PPP6R2: variants seen among roughly 807,000 people sequenced by gnomAD.
The protein encoded by PPP6R2 is serine/threonine-protein phosphatase 6 regulatory subunit 2.
PPP6R2 carries 62 observed loss-of-function variants against 100.2 expected under a neutral mutation model. The observed-to-expected ratio is 0.62, with a 90% confidence interval of 0.50 to 0.76. The LOEUF is 0.76. Ranked by LOEUF, PPP6R2 falls within the 30% of genes least tolerant of loss-of-function variation. The pLI is 0.00. For synonymous variants in PPP6R2, 525 were observed against 514.7 expected (o/e 1.02, Z -0.27); for missense variants, 1,142 against 1,276.3 (o/e 0.89, Z 1.60).
chr22:50,390,770 G>A (rs1463079130), intron 2 of PPP6R2, among the ~76,000 whole-genome samples: 1 of 152,162 alleles, frequency 6.6e-6, no homozygotes, highest in African/African-American at 2.4e-5. Flanking sequence ...GGAGGCCGAG[G>A]CGGACAGATC....
intron 2 of PPP6R2, among the ~76,000 whole-genome samples, chr22:50,385,336 C>G (rs1250194691): frequency 6.7e-6 from 1 of 148,502 alleles, no homozygotes. Context: ...GCTGGGATTA[C>G]AGACACGCAC....
rs148143473 is a variant in PPP6R2, at chr22:50,402,283, G to A, written c.228-4406G>A. ...TCCCCTGTGGGGAATGGACCTGTCA[G>A]TATCAGGAGCTGAGTTGGGAAGAGG... On this transcript the variant is annotated intron_variant, in intron 3 of 23. Coordinates refer to ENST00000612753, the MANE Select transcript of PPP6R2 (RefSeq NM_001242898.2). Among the ~76,000 whole-genome samples, 9 of 150,960 alleles carry A rather than the reference G, an allele frequency of 6.0e-5. No individual in the cohort carries two copies. In the South Asian group the frequency reaches 1.9e-3, roughly 32 times the overall value.
At chr22:50,335,275 G>A in the PPP6R2 span, among the ~76,000 whole-genome samples, 5 of 150,144 alleles carry the variant, frequency 3.3e-5, no homozygotes, top group Non-Finnish European at 7.4e-5. Context: ...GTGTTAGCCA[G>A]GGTGGTTTTG....
At chr22:50,353,284 CAT>C (rs779197661) in intron 1 of PPP6R2, among the ~76,000 whole-genome samples, 3 of 152,154 alleles carry the variant, frequency 2.0e-5, no homozygotes, top group Non-Finnish European at 4.4e-5. Flanking sequence ...AAATGAGAGA[CAT>C]GTGACTCTTC....
At chr22:50,336,431 C>T in the PPP6R2 span, among the ~76,000 whole-genome samples, 16 of 151,684 alleles carry the variant, frequency 1.1e-4, no homozygotes, top group Non-Finnish European at 1.8e-4. Context: ...GGCTGGAGTG[C>T]GAAGGCGCGA....
chr22:50,339,144 TGG>T (rs1491313797), upstream of PPP6R2, among the ~76,000 whole-genome samples: 2 of 143,762 alleles, frequency 1.4e-5, no homozygotes, highest in Admixed American at 1.4e-4. Flanking sequence ...GTGTGGTTTG[TGG>T]TGTGTGTGTG....
At chr22:50,442,847 T>C (rs898226759) in intron 22 of PPP6R2, among the ~76,000 whole-genome samples, 4 of 147,178 alleles carry the variant, frequency 2.7e-5, no homozygotes, top group Non-Finnish European at 6.0e-5. Context: ...CCACCGCGCC[T>C]GGCCTAGTCA....
At chr22:50,349,257 G>A (rs1426848435) in intron 1 of PPP6R2, among the ~76,000 whole-genome samples, 4 of 149,548 alleles carry the variant, frequency 2.7e-5, no homozygotes, top group African/African-American at 9.9e-5. Flanking sequence ...CCAGCTGCTC[G>A]GACACTGAGG....
chr22:50,413,742 A>G (rs2060093127), intron 4 of PPP6R2, among the ~76,000 whole-genome samples: 1 of 140,162 alleles, frequency 7.1e-6, no homozygotes, highest in Non-Finnish European at 1.5e-5. Context: ...TCATTGCAGC[A>G]CTGGGGAGTG....
the PPP6R2 span, among the ~76,000 whole-genome samples, chr22:50,331,915 C>T: frequency 3.3e-5 from 5 of 151,846 alleles, no homozygotes; most frequent in African/African-American, 4.8e-5. Flanking sequence ...CCATTGCATC[C>T]GGCCCTATTT....
chr22:50,439,586 A>G, intron 19 of PPP6R2, 115 bp from the exon 20 acceptor site: 1 of 1,186,390 alleles, frequency 8.4e-7, no homozygotes, highest in Non-Finnish European at 1.1e-6. Flanking sequence ...CTCCTGGAGC[A>G]GCCCCATCTT....
At chr22:50,432,390 C>T in intron 12 of PPP6R2, 61 bp downstream of exon 12, 2 of 1,439,244 alleles carry the variant, frequency 1.4e-6, no homozygotes, top group Non-Finnish European at 1.9e-6. Flanking sequence ...AGAGACGCAC[C>T]TCACCCAAGC....
At chr22:50,350,910 C>G (rs2044963278) in intron 1 of PPP6R2, among the ~76,000 whole-genome samples, 1 of 150,624 alleles carries the variant, frequency 6.6e-6, no homozygotes, top group Admixed American at 6.6e-5. Flanking sequence ...GCAGGCATGA[C>G]AACATTAGTC....
intron 2 of PPP6R2, among the ~76,000 whole-genome samples, chr22:50,386,629 C>A (rs995644392): frequency 6.6e-6 from 1 of 152,124 alleles, no homozygotes; most frequent in Admixed American, 6.6e-5. Flanking sequence ...TGCCAGGTGG[C>A]CTTCCTCAGC....
intron 3 of PPP6R2, among the ~76,000 whole-genome samples, chr22:50,403,955 G>T (rs2058440867): frequency 6.6e-6 from 1 of 152,192 alleles, no homozygotes; most frequent in African/African-American, 2.4e-5. Context: ...CCTTGGCTTA[G>T]GTCCAGTGCT....
At chr22:50,417,685 CAAG>C (rs1037496003) in intron 6 of PPP6R2, among the ~76,000 whole-genome samples, 7 of 151,890 alleles carry the variant, frequency 4.6e-5, no homozygotes, top group African/African-American at 1.7e-4. Flanking sequence ...CTGTAGGAAA[CAAG>C]GAGGCCGCCC....
intron 1 of PPP6R2, among the ~76,000 whole-genome samples, chr22:50,347,985 G>C (rs1333444730): frequency 1.3e-5 from 2 of 152,064 alleles, no homozygotes; most frequent in African/African-American, 4.8e-5. Context: ...TTAATCTTTG[G>C]AATGTGAGAG....
intron 10 of PPP6R2, among the ~76,000 whole-genome samples, chr22:50,429,505 T>G (rs1274051305): frequency 6.6e-6 from 1 of 152,242 alleles, no homozygotes; most frequent in Non-Finnish European, 1.5e-5. Flanking sequence ...TGATGCTAAG[T>G]TTGGTTTGCT....
intron 1 of PPP6R2, among the ~76,000 whole-genome samples, chr22:50,371,424 G>C (rs922555984): frequency 6.6e-5 from 10 of 152,040 alleles, no homozygotes; most frequent in Non-Finnish European, 1.5e-4. Flanking sequence ...CTCCCATGCT[G>C]GTTAGTAGTG....
Sources: gnomAD v4.1 joint callset for allele counts (sites outside exome capture counted in the v4.1 genomes callset) on GRCh38, gnomAD v4.1.1 for gene constraint, MANE v1.5 for transcripts, NCBI Gene and HGNC (gene_info 2026-07-23, HGNC 2026-07-21) for gene names.